LYRM4: variants seen among roughly 807,000 people sequenced by gnomAD.
The protein encoded by LYRM4 is LYR motif containing 4, also known as LYR motif-containing protein 4.
A neutral mutation model predicts 11.7 loss-of-function variants in LYRM4; 9 were observed. That is an observed-to-expected ratio of 0.77 (90% CI 0.46 to 1.34). The LOEUF is 1.34. LYRM4 is among the 40% of genes most tolerant of loss of function. LYRM4 has a pLI of 0.00. For synonymous variants in LYRM4, 42 were observed against 40.4 expected (o/e 1.04, Z -0.15); for missense variants, 133 against 112.5 (o/e 1.18, Z -0.82).
At chr6:5,225,121 G>A (rs1042872651) in intron 1 of LYRM4, among the ~76,000 whole-genome samples, 21 of 151,816 alleles carry the variant, frequency 1.4e-4, no homozygotes, top group Non-Finnish European at 1.2e-4. Flanking sequence ...GGTGGTGGGC[G>A]CCTGTAGTCC....
At chr6:5,260,598 T>TGCCCCGC in intron 1 of LYRM4, 50 bp downstream of exon 1, 1 of 1,105,568 alleles carries the variant, frequency 9.0e-7, no homozygotes, top group Non-Finnish European at 1.3e-6. Context: ...GCACCCCCGG[T>TGCCCCGC]CCCCGGCCCC....
intron 1 of LYRM4, among the ~76,000 whole-genome samples, chr6:5,247,575 A>T (rs1306966513): frequency 6.6e-6 from 1 of 152,254 alleles, no homozygotes. Context: ...ATCTGAGTGA[A>T]TATGCAGAAA....
chr6:5,232,919 T>C (rs17133271), intron 1 of LYRM4, among the ~76,000 whole-genome samples: 7,490 of 152,278 alleles, frequency 0.049, 603 homozygotes, highest in African/African-American at 0.16. Flanking sequence ...CATGTGAATG[T>C]AGGGTAGACC....
intron 2 of LYRM4, among the ~76,000 whole-genome samples, chr6:5,128,645 C>T (rs1763804007): frequency 6.6e-6 from 1 of 152,128 alleles, no homozygotes; most frequent in South Asian, 2.1e-4. Flanking sequence ...TCCTCTTTTC[C>T]CTCCTCATAA....
the LYRM4 span, among the ~76,000 whole-genome samples, chr6:5,036,867 T>C: frequency 6.6e-6 from 1 of 152,304 alleles, no homozygotes; most frequent in Non-Finnish European, 1.5e-5. Flanking sequence ...GGAGCTCCTT[T>C]CTGAGTCAAC....
At chr6:5,222,015 G>A (rs759498616) in intron 1 of LYRM4, among the ~76,000 whole-genome samples, 2 of 152,152 alleles carry the variant, frequency 1.3e-5, no homozygotes, top group African/African-American at 2.4e-5. Flanking sequence ...AATGGATCAC[G>A]ATGCCTATGG....
intron 1 of LYRM4, among the ~76,000 whole-genome samples, chr6:5,255,574 C>A (rs376563649): frequency 6.6e-6 from 1 of 151,954 alleles, no homozygotes; most frequent in Non-Finnish European, 1.5e-5. Context: ...TATTTAAGAA[C>A]GTAAAAGGCC....
At chr6:5,101,968 C>A, downstream of LYRM4, among the ~76,000 whole-genome samples, 1 of 67,984 alleles carries the variant, frequency 1.5e-5, no homozygotes, top group South Asian at 5.3e-4. Flanking sequence ...CTAATGCTTT[C>A]TTTTTTTTTT....
chr6:5,113,300 C>T (rs1402030403), intron 2 of LYRM4: 1 of 448,836 alleles, frequency 2.2e-6, no homozygotes, highest in Non-Finnish European at 4.5e-6. Flanking sequence ...TGGCACGCGC[C>T]AATAATCCCA....
the LYRM4 span, among the ~76,000 whole-genome samples, chr6:5,074,635 T>A: frequency 1.3e-5 from 2 of 150,736 alleles, no homozygotes; most frequent in Admixed American, 1.3e-4. Flanking sequence ...TTTTTTTTTT[T>A]AATTATACTT....
intron 2 of LYRM4, among the ~76,000 whole-genome samples, chr6:5,188,415 T>C (rs1165026883): frequency 6.6e-6 from 1 of 152,050 alleles, no homozygotes; most frequent in Non-Finnish European, 1.5e-5. Context: ...TAAAAAATGG[T>C]AAGTAAACAC....
intron 1 of LYRM4, among the ~76,000 whole-genome samples, chr6:5,227,540 G>T (rs1464804581): frequency 6.6e-6 from 1 of 152,170 alleles, no homozygotes; most frequent in African/African-American, 2.4e-5. Context: ...GTGTAAATTA[G>T]TTCAACCATT....
the LYRM4 span, among the ~76,000 whole-genome samples, chr6:5,096,601 A>G: frequency 6.6e-6 from 1 of 152,344 alleles, no homozygotes; most frequent in East Asian, 1.9e-4. Flanking sequence ...CACTGGCTCT[A>G]GGACAGCCAG....
At chr6:5,114,464 A>G (rs920542427) in intron 2 of LYRM4, among the ~76,000 whole-genome samples, 1 of 152,326 alleles carries the variant, frequency 6.6e-6, no homozygotes, top group Non-Finnish European at 1.5e-5. Flanking sequence ...AGATCATAGG[A>G]CTAATGAAAC....
chr6:5,127,078 T>C (rs908617874), intron 2 of LYRM4, among the ~76,000 whole-genome samples: 6 of 152,176 alleles, frequency 3.9e-5, no homozygotes, highest in African/African-American at 7.2e-5. Flanking sequence ...ACATCCCAAG[T>C]AGCTGGGTCC....
At chr6:5,252,022 T>TA (rs1365975644) in intron 1 of LYRM4, among the ~76,000 whole-genome samples, 1 of 152,208 alleles carries the variant, frequency 6.6e-6, no homozygotes, top group Non-Finnish European at 1.5e-5. Flanking sequence ...CAATCACAGA[T>TA]ATCAGTGTTT....
intron 1 of LYRM4, among the ~76,000 whole-genome samples, chr6:5,242,630 G>T (rs1360552923): frequency 6.6e-6 from 1 of 151,470 alleles, no homozygotes; most frequent in South Asian, 2.1e-4. Context: ...TGAGGCAGGA[G>T]AACCACTTGA....
At chr6:5,242,814 C>T (rs547421773) in intron 1 of LYRM4, among the ~76,000 whole-genome samples, 7 of 149,068 alleles carry the variant, frequency 4.7e-5, no homozygotes, top group South Asian at 2.2e-4. Flanking sequence ...TCGCCCAGGC[C>T]GGACTGCGGA....
chr6:5,138,739 C>T (rs900221746), intron 2 of LYRM4: 1 of 1,530,602 alleles, frequency 6.5e-7, no homozygotes, highest in Non-Finnish European at 8.7e-7. Flanking sequence ...GGACTTTATG[C>T]CTGGGGGTAA....
Sources: gnomAD v4.1 joint callset for allele counts (sites outside exome capture counted in the v4.1 genomes callset) on GRCh38, gnomAD v4.1.1 for gene constraint, MANE v1.5 for transcripts, NCBI Gene and HGNC (gene_info 2026-07-23, HGNC 2026-07-21) for gene names.